HMMR: variants seen among roughly 807,000 people sequenced by gnomAD.
HMMR encodes hyaluronan mediated motility receptor.
A neutral mutation model predicts 101.0 loss-of-function variants in HMMR; 108 were observed. The ratio of observed to expected loss-of-function variants is 1.07; its 90% confidence interval spans 0.92 to 1.25. The LOEUF (loss-of-function observed/expected upper bound fraction) is 1.25, where lower values mean the gene tolerates loss of function less well. HMMR is among the 50% of genes most tolerant of loss of function. The pLI is 0.00. For synonymous variants in HMMR, 296 were observed against 276.4 expected, an observed-to-expected ratio of 1.07 and a Z score of -0.70; for missense variants, 813 against 788.7, an observed-to-expected ratio of 1.03 and a Z score of -0.37.
chr5:163,471,280 T>C lies in HMMR; in HGVS notation c.549+9T>C, dbSNP rs1758882020. Reference sequence around the variant, plus strand: ...GAGAAACAAAGATGAGGGTGAGTGCTGCCCTTGGCAGGTTTGCTGTGTCTG... The same window carrying C: ...GAGAAACAAAGATGAGGGTGAGTGCCGCCCTTGGCAGGTTTGCTGTGTCTG... On this transcript the variant is annotated intron_variant, in intron 6 of 17. Coordinates refer to ENST00000393915, the MANE Select transcript of HMMR (RefSeq NM_001142556.2). The C allele has an allele frequency of 6.2e-7, 1 of 1,609,030 alleles. No individual in the cohort carries two copies. Among genetic ancestry groups the C allele is most frequent in the Non-Finnish European group, 8.5e-7 (1 of 1,175,558 alleles).
intron 1 of HMMR, 36 bp downstream of exon 1, chr5:163,460,774 G>A (rs927032488): frequency 6.3e-7 from 1 of 1,576,412 alleles, no homozygotes; most frequent in Non-Finnish European, 8.7e-7. Context: ...GACGGGAGAC[G>A]CCCTAACGCC....
At chr5:163,465,523 C>T (rs980688367) in intron 3 of HMMR, among the ~76,000 whole-genome samples, 1 of 139,468 alleles carries the variant, frequency 7.2e-6, no homozygotes, top group African/African-American at 2.7e-5. Flanking sequence ...TTGCTAAAGA[C>T]GAGGTTTAAA....
chr5:163,485,066 A>G (rs763642500), intron 16 of HMMR, among the ~76,000 whole-genome samples: 9 of 152,206 alleles, frequency 5.9e-5, no homozygotes, highest in African/African-American at 1.9e-4. Flanking sequence ...TAATGCTACC[A>G]TAAACATTCA....
In HMMR at chr5:163,490,483, T is replaced by G. The variant is rs754457684; in HGVS notation, c.2056T>G (p.Phe686Val). Residue 686 changes from phenylalanine to valine, a missense_variant, in exon 17 of 18, where the codon TTT becomes GTT. Physicochemically the swap from Phe to Val is conservative, Grantham distance 50. Coordinates refer to ENST00000393915, the MANE Select transcript of HMMR (RefSeq NM_001142556.2). Reference sequence around the variant, plus strand: ...GAATAAAGTTCTAGGTATCAAACACTTTGATCCTTCAAAGGCTTTTCATCA... The same window carrying G: ...GAATAAAGTTCTAGGTATCAAACACGTTGATCCTTCAAAGGCTTTTCATCA... ...ELNKVLGIKH[F>V]DPSKAFHHES... 9 of 1,603,342 alleles carry G rather than the reference T, an allele frequency of 5.6e-6. No individual in the cohort carries two copies. Among genetic ancestry groups the G allele is most frequent in the Non-Finnish European group, 6.8e-6 (8 of 1,176,956 alleles).
At chr5:163,491,048 T>C (rs1759675604) in intron 17 of HMMR, 64 bp from the exon 18 acceptor site, 3 of 904,510 alleles carry the variant, frequency 3.3e-6, no homozygotes, top group South Asian at 3.5e-5. Context: ...GTTTTTAGTT[T>C]ATAATGATGG....
intron 16 of HMMR, among the ~76,000 whole-genome samples, chr5:163,485,772 T>C (rs1759458304): frequency 6.6e-6 from 1 of 152,228 alleles, no homozygotes; most frequent in Admixed American, 6.5e-5. Flanking sequence ...AAGAGATTTA[T>C]AGTTTTAGCT....
rs1476527042 is a variant in HMMR at position 163,474,064 on chromosome 5, T to C, written c.912T>C (p.His304=). 5 of 1,608,002 alleles carry C rather than the reference T, an allele frequency of 3.1e-6. No homozygotes were observed. In the East Asian group the frequency reaches 9.0e-5, roughly 29 times the overall value. The change falls in exon 10 of 18, where the codon CAT becomes CAC. Residue 304 remains histidine, a synonymous_variant. Transcript: ENST00000393915. ...CQLLEKEKED[H]VNRNREHNEN... ...ATGTTTTGCGTTTTCTAGAAGACCA[T>C]GTCAACAGGAATAGAGAACACAACG...
At chr5:163,478,557 T>C in intron 11 of HMMR, 127 bp from the exon 12 acceptor site, 2 of 646,022 alleles carry the variant, frequency 3.1e-6, no homozygotes, top group South Asian at 1.8e-5. Context: ...TCTGAGCTAT[T>C]TAGCAGGTAA....
intron 16 of HMMR, among the ~76,000 whole-genome samples, chr5:163,489,907 G>T (rs995076413): frequency 6.6e-6 from 1 of 152,188 alleles, no homozygotes; most frequent in Non-Finnish European, 1.5e-5. Flanking sequence ...TGCTAAGCTG[G>T]GAGTGGGAAG....
chr5:163,478,777 A>AGATG lies in HMMR; in HGVS notation c.1363_1366dup (p.Val456GlyfsTer7), dbSNP rs764875449. 6.2e-7 allele frequency: 1 copy of AGATG among 1,603,522 alleles called. No individual in the cohort carries two copies. The highest frequency in any genetic ancestry group is 1.3e-5 in the African/African-American group (1 of 74,696). On this transcript the variant is annotated frameshift_variant, in exon 12 of 18. Transcript: ENST00000393915. LOFTEE classifies it high-confidence loss of function. ...ATGACAGTATGGTGCAAAGCCTTGA[A>AGATG]GATGTTACTGCTCAATTTGAAAGGT... is the stretch of plus-strand genomic sequence containing the variant.
intron 11 of HMMR, among the ~76,000 whole-genome samples, chr5:163,477,450 G>T (rs1446480005): frequency 6.6e-6 from 1 of 152,066 alleles, no homozygotes; most frequent in Non-Finnish European, 1.5e-5. Flanking sequence ...GTTTTCTTAT[G>T]ATTAGTGATG....
At chr5:163,488,811 A>G (rs1385050961) in intron 16 of HMMR, among the ~76,000 whole-genome samples, 1 of 152,214 alleles carries the variant, frequency 6.6e-6, no homozygotes, top group Non-Finnish European at 1.5e-5. Context: ...ATTGCATACG[A>G]GAGCAGTGCT....
At chr5:163,463,190 A>G (rs954356019) in intron 1 of HMMR, among the ~76,000 whole-genome samples, 1 of 152,230 alleles carries the variant, frequency 6.6e-6, no homozygotes, top group Non-Finnish European at 1.5e-5. Context: ...TACTTTGTGT[A>G]ACATTGGCTT....
At position 163,460,726 on chromosome 5, in the gene HMMR, A is replaced by C; in HGVS notation, c.34A>C (p.Asn12His). 6.2e-7 allele frequency: 1 copy of C among 1,608,244 alleles called. No individual in the cohort carries two copies. Among genetic ancestry groups the C allele is most frequent in the African/African-American group, 1.3e-5 (1 of 74,846 alleles). The change falls in exon 1 of 18, where the codon AAT becomes CAT. Residue 12 changes from asparagine to histidine, a missense_variant. Coordinates refer to ENST00000393915, the MANE Select transcript of HMMR (RefSeq NM_001142556.2). ...SFPKAPLKRFNDPSGCAPSPG... is the reference protein window; with the variant it reads ...SFPKAPLKRFHDPSGCAPSPG... ...TCCTAAGGCGCCCTTGAAACGATTC[A>C]ATGACCCTTCTGGTGCGTAAGGGGG...
At chr5:163,474,677 C>G (rs1759012310) in intron 10 of HMMR, 1 of 415,202 alleles carries the variant, frequency 2.4e-6, no homozygotes, top group African/African-American at 2.1e-5. Flanking sequence ...GATACTCCAC[C>G]TTAGTAGTAA....
intron 12 of HMMR, among the ~76,000 whole-genome samples, chr5:163,481,064 C>T (rs1759237038): frequency 1.3e-5 from 2 of 151,818 alleles, no homozygotes; most frequent in Non-Finnish European, 2.9e-5. Context: ...TCCATTTTTC[C>T]ACCTAGAACT....
intron 12 of HMMR, among the ~76,000 whole-genome samples, chr5:163,479,246 C>T (rs187879381): frequency 1.9e-4 from 29 of 152,332 alleles, no homozygotes; most frequent in Non-Finnish European, 4.1e-4. Flanking sequence ...CCACCTATTA[C>T]AGATGAAATG....
chr5:163,473,921 C>G, intron 9 of HMMR, 136 bp from the exon 10 acceptor site: 1 of 697,086 alleles, frequency 1.4e-6, no homozygotes, highest in Non-Finnish European at 2.5e-6. Context: ...AGTAATGATA[C>G]AAAGTTCACA....
intron 5 of HMMR, 55 bp downstream of exon 5, chr5:163,469,884 AG>A (rs1377033560): frequency 4.7e-6 from 6 of 1,277,214 alleles, no homozygotes; most frequent in Non-Finnish European, 6.6e-6. Flanking sequence ...CACGTTTTTT[AG>A]GGCCGGGCAC....
Sources: gnomAD v4.1 joint callset for allele counts (sites outside exome capture counted in the v4.1 genomes callset) on GRCh38, gnomAD v4.1.1 for gene constraint, MANE v1.5 for transcripts, NCBI Gene and HGNC (gene_info 2026-07-23, HGNC 2026-07-21) for gene names.